The following SBF2 variants were observed in gnomAD, a reference collection of about 807,000 sequenced individuals.
The protein encoded by SBF2 is myotubularin-related protein 13.
SBF2 carries 112 observed loss-of-function variants against 225.2 expected under a neutral mutation model. The ratio of observed to expected loss-of-function variants is 0.50; its 90% CI spans 0.43 to 0.58. The LOEUF is 0.58. Ranked by LOEUF, SBF2 falls within the 20% of genes least tolerant of loss-of-function variation. The pLI, the probability that SBF2 is intolerant of heterozygous loss-of-function variation, is 0.00. For missense variants in SBF2, 1,996 were observed against 2,206.2 expected, an observed-to-expected ratio of 0.90 and a Z score of 1.91; for synonymous variants, 763 against 773.3, an observed-to-expected ratio of 0.99 and a Z score of 0.22.
chr11:10,031,200 CAG>C (rs1448246452), intron 3 of SBF2, 30 bp from the exon 4 acceptor site: 2 of 1,610,470 alleles, frequency 1.2e-6, no homozygotes, highest in African/African-American at 1.3e-5. Flanking sequence ...AATCAACAAA[CAG>C]AAGGGATTTC....
At chr11:9,831,043 G>A (rs1201379943) in intron 27 of SBF2, among the ~76,000 whole-genome samples, 4 of 152,058 alleles carry the variant, frequency 2.6e-5, no homozygotes, top group African/African-American at 4.8e-5. Flanking sequence ...CTTTCACTCA[G>A]GGTGGAGTGC....
chr11:10,249,479 A>G (rs1960135409), intron 1 of SBF2, among the ~76,000 whole-genome samples: 1 of 152,202 alleles, frequency 6.6e-6, no homozygotes, highest in African/African-American at 2.4e-5. Flanking sequence ...GGGAAAGACA[A>G]AAGATTGTTT....
At chr11:10,026,501 C>G (rs949327631) in intron 6 of SBF2, among the ~76,000 whole-genome samples, 2 of 152,110 alleles carry the variant, frequency 1.3e-5, no homozygotes, top group African/African-American at 4.8e-5. Flanking sequence ...GAGGCCAAAG[C>G]AGGAGGACTG....
intron 15 of SBF2, 61 bp downstream of exon 15, chr11:9,963,712 A>T: frequency 1.3e-6 from 1 of 799,150 alleles, no homozygotes; most frequent in Admixed American, 2.0e-5. Context: ...TGGTAACCTC[A>T]GCACGTAAAT....
intron 1 of SBF2, among the ~76,000 whole-genome samples, chr11:10,243,457 C>A: frequency 6.7e-6 from 1 of 148,984 alleles, no homozygotes; most frequent in Admixed American, 6.7e-5. Flanking sequence ...AAAAATGAAT[C>A]AAATAATAAA....
chr11:10,082,140 A>G (rs544796210), intron 2 of SBF2, among the ~76,000 whole-genome samples: 9 of 152,198 alleles, frequency 5.9e-5, no homozygotes, highest in Non-Finnish European at 4.4e-5. Context: ...AAGGAAATGG[A>G]TAAGTTCCTG....
intron 2 of SBF2, among the ~76,000 whole-genome samples, chr11:10,109,699 C>T (rs1180058456): frequency 1.3e-5 from 2 of 152,198 alleles, no homozygotes; most frequent in East Asian, 3.9e-4. Context: ...GGCCACATAA[C>T]ATTATGTACT....
chr11:10,202,106 G>A (rs560651958), intron 1 of SBF2, among the ~76,000 whole-genome samples: 1 of 152,282 alleles, frequency 6.6e-6, no homozygotes, highest in East Asian at 1.9e-4. Context: ...AAATTCTTCA[G>A]AATGCATCAT....
chr11:9,804,732 C>A (rs548652481), intron 32 of SBF2, among the ~76,000 whole-genome samples: 1 of 152,332 alleles, frequency 6.6e-6, no homozygotes, highest in Non-Finnish European at 1.5e-5. Flanking sequence ...TTTCACTGAA[C>A]ATAGTGATCA....
intron 16 of SBF2, among the ~76,000 whole-genome samples, chr11:9,927,474 C>T (rs995412197): frequency 3.9e-5 from 6 of 152,124 alleles, no homozygotes; most frequent in Non-Finnish European, 7.3e-5. Flanking sequence ...GTACTATGTG[C>T]CTATAGTTCC....
chr11:10,222,076 A>C (rs1958359372), intron 1 of SBF2, among the ~76,000 whole-genome samples: 1 of 152,210 alleles, frequency 6.6e-6, no homozygotes. Context: ...GTCCAGGTAG[A>C]GATAAAAGAA....
chr11:9,840,829 C>A (rs931594165), intron 25 of SBF2, among the ~76,000 whole-genome samples: 1 of 151,878 alleles, frequency 6.6e-6, no homozygotes, highest in Non-Finnish European at 1.5e-5. Context: ...AATCCCCTCA[C>A]AGTTTTACAA....
rs568917916 is a variant in SBF2 at position 10,281,424 on chromosome 11, T to G, written c.55+12591A>C. On this transcript the variant is annotated intron_variant, in intron 1 of 39. Coordinates refer to ENST00000256190, the MANE Select transcript of SBF2 (RefSeq NM_030962.4). The stretch of plus-strand genomic sequence containing the variant: ...GGATACTGCATTCATCATTTCCACT[T>G]ACATCCAACTGACCAGAACTTATTC... Among the ~76,000 whole-genome samples the G allele has an allele frequency of 9.2e-5, 14 of 152,316 alleles. No individual in the cohort carries two copies. The East Asian group carries it at 2.5e-3, about 27-fold the overall frequency.
chr11:10,216,542 T>G (rs1318104139), intron 1 of SBF2, among the ~76,000 whole-genome samples: 3 of 152,256 alleles, frequency 2.0e-5, no homozygotes, highest in Non-Finnish European at 2.9e-5. Context: ...CGTAGAAGAA[T>G]TAGTTCAGAG....
At chr11:10,232,621 T>C (rs1416619304) in intron 1 of SBF2, among the ~76,000 whole-genome samples, 1 of 151,626 alleles carries the variant, frequency 6.6e-6, no homozygotes, top group Non-Finnish European at 1.5e-5. Context: ...TGGAGTACAT[T>C]GGTGAGATCA....
Position 9,832,228 on chromosome 11 carries a change from C to T in SBF2, c.3648G>A (p.Gln1216=). The T allele has an allele frequency of 6.2e-7, 1 of 1,613,176 alleles. No homozygotes were observed. The highest frequency in any genetic ancestry group is 8.5e-7 in the Non-Finnish European group (1 of 1,179,316). Residue 1216 remains glutamine (Q), a synonymous_variant, in exon 27 of 40, where the codon CAG becomes CAA. Transcript: ENST00000256190. ...GTGTTATAGAGAGATGCTTACCGGC[C>T]TGAGGGGAGTTCTGAGATTTGAAAA... is the stretch of plus-strand genomic sequence containing the variant. The part of the protein sequence containing the change: ...VGLFKSQNSP[Q]AAPTSSLESS...
At chr11:9,962,297 T>A (rs900184977) in intron 15 of SBF2, among the ~76,000 whole-genome samples, 191 bp from the exon 16 acceptor site, 1 of 152,258 alleles carries the variant, frequency 6.6e-6, no homozygotes, top group Non-Finnish European at 1.5e-5. Flanking sequence ...TATTTTTATA[T>A]GTAAACCAGC....
intron 9 of SBF2, among the ~76,000 whole-genome samples, chr11:9,997,169 A>T (rs1022551563): frequency 2.0e-5 from 3 of 151,550 alleles, no homozygotes; most frequent in Non-Finnish European, 4.4e-5. Flanking sequence ...CTAAGTTTCT[A>T]TTTAAGAGGG....
At chr11:10,295,895 C>A (rs891610695), upstream of SBF2, among the ~76,000 whole-genome samples, 4 of 152,090 alleles carry the variant, frequency 2.6e-5, no homozygotes, top group African/African-American at 9.7e-5. Flanking sequence ...GGGCAAAATT[C>A]ACATATTGTA....
Sources: gnomAD v4.1 joint callset for allele counts (sites outside exome capture counted in the v4.1 genomes callset) on GRCh38, gnomAD v4.1.1 for gene constraint, MANE v1.5 for transcripts, NCBI Gene and HGNC (gene_info 2026-07-23, HGNC 2026-07-21) for gene names.